Variants in CAMSAP2 observed in about 807,000 individuals in gnomAD.
The protein encoded by CAMSAP2 is calmodulin-regulated spectrin-associated protein 2.
Under a neutral mutation model 146.1 loss-of-function variants are expected in CAMSAP2, and 26 were observed. The ratio of observed to expected loss-of-function variants is 0.18; its 90% confidence interval spans 0.13 to 0.25. The LOEUF is 0.25. Among genes scored for constraint, CAMSAP2 ranks in the 10% least tolerant of loss-of-function variants. The pLI is 1.00. For missense variants in CAMSAP2, 1,381 were observed against 1,759.3 expected (o/e 0.78, Z 3.85); for synonymous variants, 499 against 596.6 (o/e 0.84, Z 2.38).
intron 2 of CAMSAP2, among the ~76,000 whole-genome samples, chr1:200,799,710 G>C (rs568436906): frequency 2.8e-3 from 425 of 152,124 alleles, no homozygotes; most frequent in African/African-American, 9.4e-3. Flanking sequence ...CTTGTCTTCT[G>C]CTAAGTTTTG....
intron 11 of CAMSAP2, 85 bp from the exon 12 acceptor site, chr1:200,852,456 A>G (rs952658527): frequency 1.8e-4 from 261 of 1,475,536 alleles, no homozygotes; most frequent in Admixed American, 4.1e-5. Context: ...TTATAGGACT[A>G]ACCACAAAAT....
At chr1:200,765,300 G>T (rs1269742718) in intron 2 of CAMSAP2, among the ~76,000 whole-genome samples, 1 of 151,996 alleles carries the variant, frequency 6.6e-6, no homozygotes, top group Non-Finnish European at 1.5e-5. Context: ...CACAATTTCA[G>T]CTCATTGCAA....
In CAMSAP2 at chr1:200,853,785, C is replaced by T. The variant is rs1259390214; in HGVS notation, c.3823+290C>T. Among the ~76,000 whole-genome samples the T allele has an allele frequency of 1.3e-5, 2 of 152,022 alleles. No homozygotes were observed. Among genetic ancestry groups the T allele is most frequent in the Non-Finnish European group, 2.9e-5 (2 of 68,012 alleles). On this transcript the variant is annotated intron_variant, in intron 13 of 16. Coordinates refer to ENST00000358823, the MANE Select transcript of CAMSAP2 (RefSeq NM_203459.4). The surrounding 1 kb of genome is among the most constrained non-coding windows in gnomAD (Gnocchi z 5.1). ...ATAATCTCCTTGAACTATTAACTGC[C>T]CTTTACATACTTATAAATTTAAATA...
chr1:200,783,628 G>A (rs759985722), intron 2 of CAMSAP2, among the ~76,000 whole-genome samples: 2 of 151,882 alleles, frequency 1.3e-5, no homozygotes, highest in African/African-American at 2.4e-5. Context: ...GACTATAGGC[G>A]ATTGCCACCA....
chr1:200,817,164 A>ATATAAG (rs1558191970), intron 4 of CAMSAP2, among the ~76,000 whole-genome samples: 18 of 79,786 alleles, frequency 2.3e-4, no homozygotes, highest in African/African-American at 9.9e-4. Context: ...ACATACACAC[A>ATATAAG]CGTGTGTGTA....
intron 1 of CAMSAP2, among the ~76,000 whole-genome samples, chr1:200,754,606 G>A (rs1418456572): frequency 9.3e-6 from 1 of 107,416 alleles, no homozygotes; most frequent in East Asian, 3.0e-4. Flanking sequence ...TTTTTGAGAC[G>A]AAGTCTGGCT....
At chr1:200,847,375 A>C in intron 9 of CAMSAP2, 83 bp downstream of exon 9, 1 of 1,056,870 alleles carries the variant, frequency 9.5e-7, no homozygotes, top group Non-Finnish European at 1.4e-6. Context: ...TAAATAAACA[A>C]ATATCCAGGG....
chr1:200,806,743 T>TTGTGTG (rs138066870), intron 2 of CAMSAP2, among the ~76,000 whole-genome samples: 44 of 145,140 alleles, frequency 3.0e-4, no homozygotes, highest in East Asian at 6.1e-4. Context: ...TTCCATATAA[T>TTGTGTG]TGTGTGTGTG....
At chr1:200,835,952 TG>T (rs1284187134) in intron 6 of CAMSAP2, among the ~76,000 whole-genome samples, 1 of 152,222 alleles carries the variant, frequency 6.6e-6, no homozygotes, top group Non-Finnish European at 1.5e-5. Context: ...CAACTTTGTC[TG>T]GGTACGACCC....
chr1:200,767,495 T>TTTTTTTTA (rs1664987565), intron 2 of CAMSAP2, among the ~76,000 whole-genome samples: 2 of 120,256 alleles, frequency 1.7e-5, no homozygotes, highest in African/African-American at 6.1e-5. Context: ...TTTTTTTTTT[T>TTTTTTTTA]AAACATATTG....
Position 200,856,000 on chromosome 1 carries a change from T to C in CAMSAP2, c.3897-10T>C. 6.4e-7 allele frequency: 1 copy of C among 1,573,898 alleles called. No individual in the cohort carries two copies. Among genetic ancestry groups the C allele is most frequent in the East Asian group, 2.2e-5 (1 of 44,664 alleles). Reference sequence around the variant, plus strand: ...TTTGAGACATAAAACATATTTTATTTTCTAATTAGATCAGAGTCTGTAGAA... The same window carrying C: ...TTTGAGACATAAAACATATTTTATTCTCTAATTAGATCAGAGTCTGTAGAA... On this transcript the variant is annotated splice_polypyrimidine_tract_variant and intron_variant, in intron 14 of 16. Transcript: ENST00000358823.
Position 200,853,346 on chromosome 1 carries a change from A to G in CAMSAP2, c.3674A>G (p.Tyr1225Cys), listed in dbSNP as rs918316601. Reference sequence around the variant, plus strand: ...CGCAGAGAATTTATTAGGCAAGAATATATGAGGCGGAAACAACTGAAACTA... The same window carrying G: ...CGCAGAGAATTTATTAGGCAAGAATGTATGAGGCGGAAACAACTGAAACTA... ...RARREFIRQE[Y>C]MRRKQLKLME... Residue 1225 changes from tyrosine (Y) to cysteine (C), a missense_variant, in exon 13 of 17, where the codon TAT becomes TGT. This residue lies in a region of CAMSAP2 where 560 missense variants were observed against 715.9 expected (regional missense o/e 0.78). Coordinates refer to ENST00000358823, the MANE Select transcript of CAMSAP2 (RefSeq NM_203459.4). The surrounding 1 kb of genome is among the most constrained non-coding windows in gnomAD (Gnocchi z 5.1). The G allele has an allele frequency of 8.1e-6, 13 of 1,613,940 alleles. No homozygotes were observed. The highest frequency in any genetic ancestry group is 1.1e-5 in the Non-Finnish European group (13 of 1,179,916).
chr1:200,800,974 A>T (rs867231981), intron 2 of CAMSAP2, among the ~76,000 whole-genome samples: 2 of 152,148 alleles, frequency 1.3e-5, no homozygotes. Context: ...CTTTTCTTTA[A>T]GAAGGTTGAG....
chr1:200,763,122 A>G (rs1286917575), intron 2 of CAMSAP2, among the ~76,000 whole-genome samples: 1 of 151,552 alleles, frequency 6.6e-6, no homozygotes, highest in East Asian at 1.9e-4. Context: ...CTGGTCTTGA[A>G]CTCTAGACTT....
chr1:200,756,475 GAAAAA>G (rs1007421467), intron 1 of CAMSAP2, among the ~76,000 whole-genome samples: 3 of 151,054 alleles, frequency 2.0e-5, no homozygotes, highest in Non-Finnish European at 3.0e-5. Flanking sequence ...AAAAAAAAAA[GAAAAA>G]AAAGTAAGTG....
chr1:200,768,432 A>G (rs1484012325), intron 2 of CAMSAP2, among the ~76,000 whole-genome samples: 1 of 152,148 alleles, frequency 6.6e-6, no homozygotes, highest in Non-Finnish European at 1.5e-5. Context: ...GGCATGAATG[A>G]TGTTTTGTGC....
At chr1:200,768,111 GTTTCA>G (rs1270559852) in intron 2 of CAMSAP2, among the ~76,000 whole-genome samples, 1 of 152,224 alleles carries the variant, frequency 6.6e-6, no homozygotes, top group Admixed American at 6.5e-5. Context: ...ATTACAAAGA[GTTTCA>G]TGTTCTTCAG....
At chr1:200,745,544 GC>G (rs1435184564) in intron 1 of CAMSAP2, among the ~76,000 whole-genome samples, 1 of 152,140 alleles carries the variant, frequency 6.6e-6, no homozygotes, top group Non-Finnish European at 1.5e-5. Context: ...TAACTAACTT[GC>G]CCTTGATCAT....
chr1:200,802,438 T>C (rs1030571921), intron 2 of CAMSAP2, among the ~76,000 whole-genome samples: 1 of 152,224 alleles, frequency 6.6e-6, no homozygotes, highest in African/African-American at 2.4e-5. Context: ...TAAATGAAAC[T>C]TATGAAAAAG....
Sources: allele counts gnomAD v4.1 joint callset (sites outside exome capture counted in the v4.1 genomes callset), GRCh38; gene constraint gnomAD v4.1.1; regional missense constraint gnomAD v4.1.1; non-coding constraint Gnocchi (gnomAD v3.1); transcripts MANE v1.5; gene names NCBI Gene and HGNC (gene_info 2026-07-23, HGNC 2026-07-21).